MARVELD1: variants seen among roughly 807,000 people sequenced by gnomAD.
The protein encoded by MARVELD1 is MARVEL domain containing 1, also known as MARVEL domain-containing protein 1.
A neutral mutation model predicts 11.3 loss-of-function variants in MARVELD1; 7 were observed. That is an observed-to-expected ratio of 0.62 (90% CI 0.35 to 1.16). MARVELD1 has a LOEUF of 1.16. Ranked by LOEUF, MARVELD1 falls within the 50% of genes most tolerant of loss-of-function variation. The pLI is 0.02. For missense variants in MARVELD1, 216 were observed against 243.8 expected, an observed-to-expected ratio of 0.89 and a Z score of 0.76; for synonymous variants, 119 against 121.4, an observed-to-expected ratio of 0.98 and a Z score of 0.13.
chr10:97,716,427 T>C (rs773956273), intron 1 of MARVELD1, among the ~76,000 whole-genome samples: 4 of 152,144 alleles, frequency 2.6e-5, no homozygotes, highest in Non-Finnish European at 5.9e-5. Context: ...CAAGAGATCC[T>C]CCCGTCTCAG....
At position 97,714,469 on chromosome 10, in the gene MARVELD1, C is replaced by A; in HGVS notation, c.*71C>A. ...CGGAGACCAGCCTCCTTAATCCCTT[C>A]CCCCGCCGCCGCCCCGCGCGGGTGC... On this transcript the variant is annotated 3_prime_UTR_variant, in exon 1 of 2. Coordinates refer to ENST00000285605, the MANE Select transcript of MARVELD1 (RefSeq NM_031484.4). This position sits in a 1 kb window ranked among gnomAD's most constrained non-coding sequence, Gnocchi z 7.4. 1 of 1,183,350 alleles carries A rather than the reference C, an allele frequency of 8.5e-7. No homozygotes were observed. The highest frequency in any genetic ancestry group is 1.1e-6 in the Non-Finnish European group (1 of 880,358). The allele number at this position is 1,183,350 out of a possible 1,614,324, so 73.3% of individuals were successfully genotyped here. A position where few individuals can be genotyped will look rare whatever the true frequency, so the allele number is the denominator to read the frequency against.
rs577660249 is a variant in MARVELD1 at position 97,718,128 on chromosome 10, A to G, written c.*2522A>G. 2.6e-5 allele frequency: 4 copies of G among 152,496 alleles called. No individual in the cohort carries two copies. Among genetic ancestry groups the G allele is most frequent in the Admixed American group, 1.3e-4 (2 of 15,294 alleles). The allele number at this position is 152,496 out of a possible 1,614,324, so 9.4% of individuals were successfully genotyped here. ...TGATTACAAATATGCTTTTCTGGAT[A>G]AAGTTTGGTTGTTTGCTCTTGGTGT... On this transcript the variant is annotated 3_prime_UTR_variant, in exon 2 of 2. Transcript: ENST00000285605.
Position 97,713,861 on chromosome 10 carries a change from A to T in MARVELD1, c.-16A>T. 1.6e-6 allele frequency: 1 copy of T among 621,102 alleles called. No homozygotes were observed. The highest frequency in any genetic ancestry group is 2.0e-6 in the Non-Finnish European group (1 of 499,860). The allele number at this position is 621,102 out of a possible 1,614,324, so 38.5% of individuals were successfully genotyped here. A position where few individuals can be genotyped will look rare whatever the true frequency, so the allele number is the denominator to read the frequency against. On this transcript the variant is annotated 5_prime_UTR_variant, in exon 1 of 2. Coordinates refer to ENST00000285605, the MANE Select transcript of MARVELD1 (RefSeq NM_031484.4). The surrounding 1 kb of genome is among the most constrained non-coding windows in gnomAD (Gnocchi z 5.7). ...TGCTCGGGGCGCCGCCGCCGCCGCC[A>T]CCGCGCCCAGGGGCCATGCTCCCGC...
At position 97,715,310 on chromosome 10, in the gene MARVELD1, C is replaced by G. The variant is rs148497407; in HGVS notation, c.*912C>G. 2.6e-5 allele frequency: 4 copies of G among 152,356 alleles called. No individual in the cohort carries two copies. Among genetic ancestry groups the G allele is most frequent in the South Asian group, 2.1e-4 (1 of 4,818 alleles). The allele number at this position is 152,356 out of a possible 1,614,324, so 9.4% of individuals were successfully genotyped here. On this transcript the variant is annotated 3_prime_UTR_variant, in exon 1 of 2. Coordinates refer to ENST00000285605, the MANE Select transcript of MARVELD1 (RefSeq NM_031484.4). ...GTGGAATGTTAAGGTGAACCCCACC[C>G]CTTCTTACAGATGGGGACCCAGAGC...
At position 97,714,193 on chromosome 10, in the gene MARVELD1, C is replaced by T. The variant is rs2041894146; in HGVS notation, c.317C>T (p.Ala106Val). The change falls in exon 1 of 2, where the codon GCC (alanine) becomes GTC (valine). Residue 106 changes from alanine (A) to valine (V), a missense_variant. By Grantham distance (64) the Ala-to-Val change is moderately conservative. Transcript: ENST00000285605. The surrounding 1 kb of genome is among the most constrained non-coding windows in gnomAD (Gnocchi z 7.4). ...MVNVAHDVLA[A>V]ALYGAATGIM... ...AACGTGGCGCACGATGTGCTGGCGG[C>T]CGCGCTCTACGGCGCCGCCACCGGC... 1 of 1,536,620 alleles carries T rather than the reference C, an allele frequency of 6.5e-7. No homozygotes were observed. Among genetic ancestry groups the T allele is most frequent in the African/African-American group, 1.4e-5 (1 of 73,008 alleles).
chr10:97,714,675 G>A lies in MARVELD1; in HGVS notation c.*277G>A, dbSNP rs1313441812. The stretch of plus-strand genomic sequence containing the variant: ...AGCGCAGGCTGCGATCCGAGGGGCT[G>A]ACACACACTCGCAGACGAGCCGCCC... On this transcript the variant is annotated 3_prime_UTR_variant, in exon 1 of 2. Transcript: ENST00000285605. This position sits in a 1 kb window ranked among gnomAD's most constrained non-coding sequence, Gnocchi z 7.4. 9.3e-6 allele frequency: 4 copies of A among 431,092 alleles called. No individual in the cohort carries two copies. The highest frequency in any genetic ancestry group is 5.8e-4 in the Middle Eastern group (1 of 1,726). The allele number at this position is 431,092 out of a possible 1,614,324, so 26.7% of individuals were successfully genotyped here. A position where few individuals can be genotyped will look rare whatever the true frequency, so the allele number is the denominator to read the frequency against.
chr10:97,717,662 G>T lies in MARVELD1; in HGVS notation c.*2056G>T, dbSNP rs2041920838. 6.6e-6 allele frequency: 1 copy of T among 152,276 alleles called. No individual in the cohort carries two copies. The highest frequency in any genetic ancestry group is 2.4e-5 in the African/African-American group (1 of 41,406). The allele number at this position is 152,276 out of a possible 1,614,324, so 9.4% of individuals were successfully genotyped here. A position where few individuals can be genotyped will look rare whatever the true frequency, so the allele number is the denominator to read the frequency against. On this transcript the variant is annotated 3_prime_UTR_variant, in exon 2 of 2. Coordinates refer to ENST00000285605, the MANE Select transcript of MARVELD1 (RefSeq NM_031484.4). Reference sequence around the variant, plus strand: ...TCTGTGGTCAGGTGACCTTACTCAGGAGCAGATATCTCCTTGGCCGCCATG... The same window carrying T: ...TCTGTGGTCAGGTGACCTTACTCAGTAGCAGATATCTCCTTGGCCGCCATG...
chr10:97,715,278 G>T lies in MARVELD1; in HGVS notation c.*880G>T, dbSNP rs1337414385. 1.3e-5 allele frequency: 2 copies of T among 151,900 alleles called. No homozygotes were observed. Among genetic ancestry groups the T allele is most frequent in the Non-Finnish European group, 2.9e-5 (2 of 68,012 alleles). The allele number at this position is 151,900 out of a possible 1,614,324, so 9.4% of individuals were successfully genotyped here. A position where few individuals can be genotyped will look rare whatever the true frequency, so the allele number is the denominator to read the frequency against. On this transcript the variant is annotated 3_prime_UTR_variant, in exon 1 of 2. Transcript: ENST00000285605. ...TATCTGTTTGCATTAGGAGTTCCAC[G>T]ACCATGGTGGAATGTTAAGGTGAAC...
chr10:97,714,501 G>T lies in MARVELD1; in HGVS notation c.*103G>T. ...CGCCGCCCCGCGCGGGTGCGCCCTG[G>T]CACCCTCTCCCTGCCCTCCAGCGTT... On this transcript the variant is annotated 3_prime_UTR_variant, in exon 1 of 2. Transcript: ENST00000285605. This position sits in a 1 kb window ranked among gnomAD's most constrained non-coding sequence, Gnocchi z 7.4. 1.1e-6 allele frequency: 1 copy of T among 878,082 alleles called. No individual in the cohort carries two copies. Among genetic ancestry groups the T allele is most frequent in the Non-Finnish European group, 1.6e-6 (1 of 606,120 alleles). 54.4% of individuals were successfully genotyped at this position (878,082 alleles called of 1,614,324 possible).
rs1474395314 is a variant in MARVELD1 at position 97,715,622 on chromosome 10, C to T, written c.*1224C>T. ...TCCCACCTTAAGATTCCCAGCATCC[C>T]TGTGCTGTCCCGGCTCTCATTCATG... On this transcript the variant is annotated 3_prime_UTR_variant, in exon 1 of 2. Transcript: ENST00000285605. 1 of 152,250 alleles carries T rather than the reference C, an allele frequency of 6.6e-6. No individual in the cohort carries two copies. The highest frequency in any genetic ancestry group is 2.4e-5 in the African/African-American group (1 of 41,444). The allele number at this position is 152,250 out of a possible 1,614,324, so 9.4% of individuals were successfully genotyped here.
chr10:97,713,968 T>G lies in MARVELD1; in HGVS notation c.92T>G (p.Leu31Arg). 1 of 1,533,514 alleles carries G rather than the reference T, an allele frequency of 6.5e-7. No homozygotes were observed. Among genetic ancestry groups the G allele is most frequent in the Non-Finnish European group, 8.7e-7 (1 of 1,145,424 alleles). 95.0% of individuals were successfully genotyped at this position (1,533,514 alleles called of 1,614,324 possible). A position where few individuals can be genotyped will look rare whatever the true frequency, so the allele number is the denominator to read the frequency against. ...RLQRPFLRSPLGVLRLLQLLA... is the reference protein window; with the variant it reads ...RLQRPFLRSPRGVLRLLQLLA... ...CAGCGGCCCTTCCTGCGCAGCCCGC[T>G]GGGCGTGTTGCGGCTGCTGCAGCTG... Residue 31 changes from leucine to arginine, a missense_variant, in exon 1 of 2, where the codon CTG becomes CGG. Transcript: ENST00000285605. This position sits in a 1 kb window ranked among gnomAD's most constrained non-coding sequence, Gnocchi z 5.7.
Position 97,715,374 on chromosome 10 carries a change from A to G in MARVELD1, c.*976A>G, listed in dbSNP as rs1315953407. 1 of 152,134 alleles carries G rather than the reference A, an allele frequency of 6.6e-6. No homozygotes were observed. Among genetic ancestry groups the G allele is most frequent in the Non-Finnish European group, 1.5e-5 (1 of 68,056 alleles). 9.4% of individuals were successfully genotyped at this position (152,134 alleles called of 1,614,324 possible). On this transcript the variant is annotated 3_prime_UTR_variant, in exon 1 of 2. Coordinates refer to ENST00000285605, the MANE Select transcript of MARVELD1 (RefSeq NM_031484.4). ...CAGCCAGAGTAAGATTGGAACCCAG[A>G]CTTGCAGTCCAGCGCTGTTTGCATT... is the stretch of plus-strand genomic sequence containing the variant.
rs1016072825 is a variant in MARVELD1, at chr10:97,715,082, C to T, written c.*684C>T. The T allele has an allele frequency of 3.9e-5, 6 of 152,550 alleles. No individual in the cohort carries two copies. The highest frequency in any genetic ancestry group is 1.4e-4 in the African/African-American group (6 of 41,452). 9.4% of individuals were successfully genotyped at this position (152,550 alleles called of 1,614,324 possible). A position where few individuals can be genotyped will look rare whatever the true frequency, so the allele number is the denominator to read the frequency against. On this transcript the variant is annotated 3_prime_UTR_variant, in exon 1 of 2. Transcript: ENST00000285605. ...GATAGGAGAAGCCGGTGGGTTGTAC[C>T]CTTACACTTGTGGAGTCTCCTCTTG...
rs1263424675 is a variant in MARVELD1, at chr10:97,714,095, G to T, written c.219G>T (p.Leu73=). The T allele has an allele frequency of 6.5e-7, 1 of 1,536,828 alleles. No individual in the cohort carries two copies. Among genetic ancestry groups the T allele is most frequent in the African/African-American group, 1.4e-5 (1 of 73,004 alleles). The change falls in exon 1 of 2, where the codon CTG becomes CTT. Residue 73 remains leucine, a synonymous_variant. Coordinates refer to ENST00000285605, the MANE Select transcript of MARVELD1 (RefSeq NM_031484.4). This position sits in a 1 kb window ranked among gnomAD's most constrained non-coding sequence, Gnocchi z 7.4. ...FVSVLFWLLT[L]GLYFLTLLGK... is the part of the protein sequence containing the mutation. ...CCGTGCTCTTCTGGCTGCTCACCCT[G>T]GGCCTCTACTTCCTCACGCTGCTGG...
Position 97,714,502 on chromosome 10 carries a change from CA to C in MARVELD1, c.*105del, listed in dbSNP as rs781666839. On this transcript the variant is annotated 3_prime_UTR_variant, in exon 1 of 2. Transcript: ENST00000285605. The surrounding 1 kb of genome is among the most constrained non-coding windows in gnomAD (Gnocchi z 7.4). ...GCCGCCCCGCGCGGGTGCGCCCTGG[CA>C]CCCTCTCCCTGCCCTCCAGCGTTTC... The C allele has an allele frequency of 1.2e-6, 1 of 847,670 alleles. No homozygotes were observed. The highest frequency in any genetic ancestry group is 1.7e-6 in the Non-Finnish European group (1 of 578,418). The allele number at this position is 847,670 out of a possible 1,614,324, so 52.5% of individuals were successfully genotyped here.
rs1355453098 is a variant in MARVELD1 at position 97,717,925 on chromosome 10, G to T, written c.*2319G>T. 1 of 152,262 alleles carries T rather than the reference G, an allele frequency of 6.6e-6. No homozygotes were observed. The highest frequency in any genetic ancestry group is 1.5e-5 in the Non-Finnish European group (1 of 68,112). 9.4% of individuals were successfully genotyped at this position (152,262 alleles called of 1,614,324 possible). ...CAGTTGCATAGGTCTCCCTCTCTGG[G>T]CACCAGGACTCAGTCCAGCCCAAGA... On this transcript the variant is annotated 3_prime_UTR_variant, in exon 2 of 2. Coordinates refer to ENST00000285605, the MANE Select transcript of MARVELD1 (RefSeq NM_031484.4).
At position 97,715,784 on chromosome 10, in the gene MARVELD1, C is replaced by A. The variant is rs2041907937; in HGVS notation, c.*1386C>A. ...GTAGATTGCTGCCTCTAGCCAGAGACCTGAACTGGGGAATTTGAACATTCC... is the reference window on the plus strand; with the variant it reads ...GTAGATTGCTGCCTCTAGCCAGAGAACTGAACTGGGGAATTTGAACATTCC... On this transcript the variant is annotated 3_prime_UTR_variant, in exon 1 of 2. Coordinates refer to ENST00000285605, the MANE Select transcript of MARVELD1 (RefSeq NM_031484.4). The A allele has an allele frequency of 6.6e-6, 1 of 152,244 alleles. No homozygotes were observed. Among genetic ancestry groups the A allele is most frequent in the Admixed American group, 6.5e-5 (1 of 15,278 alleles). 9.4% of individuals were successfully genotyped at this position (152,244 alleles called of 1,614,324 possible).
In MARVELD1 at chr10:97,714,140, C is replaced by G; in HGVS notation, c.264C>G (p.Pro88=). The G allele has an allele frequency of 6.5e-7, 1 of 1,536,938 alleles. No individual in the cohort carries two copies. Among genetic ancestry groups the G allele is most frequent in the South Asian group, 1.2e-5 (1 of 84,058 alleles). The change falls in exon 1 of 2, where the codon CCC becomes CCG. Residue 88 remains proline (P), a synonymous_variant. Transcript: ENST00000285605. The surrounding 1 kb of genome is among the most constrained non-coding windows in gnomAD (Gnocchi z 7.4). ...TGCTGGGCAAGCACGAGCTGGTCCC[C>G]GTGCTGGGCTCGCGCTGGCTCATGG... ...LTLLGKHELV[P]VLGSRWLMVN... is the part of the protein sequence containing the mutation.
intron 1 of MARVELD1, among the ~76,000 whole-genome samples, chr10:97,716,973 C>T (rs1344759279): frequency 6.6e-6 from 1 of 152,132 alleles, no homozygotes; most frequent in East Asian, 1.9e-4. Flanking sequence ...GTAAAATATA[C>T]ATAAAATTTA....
Sources: gnomAD v4.1 joint callset for allele counts (sites outside exome capture counted in the v4.1 genomes callset) on GRCh38, gnomAD v4.1.1 for gene constraint, Gnocchi (gnomAD v3.1) non-coding constraint, MANE v1.5 for transcripts, NCBI Gene and HGNC (gene_info 2026-07-23, HGNC 2026-07-21) for gene names.